Variants in NKAIN1 observed in about 807,000 individuals in gnomAD.
NKAIN1 encodes the protein sodium/potassium transporting ATPase interacting 1.
Under a neutral mutation model 31.6 loss-of-function variants are expected in NKAIN1, and 13 were observed. The observed-to-expected ratio is 0.41, with a 90% CI of 0.27 to 0.65. The LOEUF is 0.65. NKAIN1 is among the 30% of genes least tolerant of loss of function. NKAIN1 has a pLI of 0.30. For synonymous variants in NKAIN1, 104 were observed against 109.0 expected (o/e 0.95, Z 0.28); for missense variants, 193 against 262.2 (o/e 0.74, Z 1.82).
chr1:31,213,876 C>G lies in NKAIN1; in HGVS notation c.54+25618G>C, dbSNP rs181616513. Among the ~76,000 whole-genome samples, 129 of 152,018 alleles carry G rather than the reference C, an allele frequency of 8.5e-4. 4 individuals carry two copies. The highest frequency in any genetic ancestry group is 1.0e-4 in the Non-Finnish European group (7 of 67,974). On this transcript the variant is annotated intron_variant, in intron 1 of 6. Coordinates refer to ENST00000373736, the MANE Select transcript of NKAIN1 (RefSeq NM_024522.3). ...GGGTGTAGTGGTGCACACCTGTAGT[C>G]CCAGCTACTTGGGAGGCTGAGGCAT...
intron 5 of NKAIN1, 22 bp from the exon 6 acceptor site, chr1:31,181,963 T>C (rs759242092): frequency 9.4e-6 from 15 of 1,596,006 alleles, no homozygotes; most frequent in Non-Finnish European, 2.6e-6. Context: ...GGGCGGCGCA[T>C]GTTAGGGATC....
chr1:31,189,329 T>G (rs1645268620), intron 1 of NKAIN1, among the ~76,000 whole-genome samples: 2 of 152,222 alleles, frequency 1.3e-5, no homozygotes, highest in Non-Finnish European at 2.9e-5. Context: ...TTATTATCAT[T>G]ATTTTTAAAC....
intron 1 of NKAIN1, among the ~76,000 whole-genome samples, chr1:31,223,477 G>A (rs988810118): frequency 4.0e-5 from 6 of 151,806 alleles, no homozygotes; most frequent in African/African-American, 1.2e-4. Flanking sequence ...GTCTCGCTCT[G>A]TCGCCCAGGC....
chr1:31,199,914 C>T (rs946883), intron 1 of NKAIN1, among the ~76,000 whole-genome samples: 108,140 of 151,948 alleles, frequency 0.71, 39,780 homozygotes, highest in Middle Eastern at 0.9. Context: ...AGCTGATGAG[C>T]TGATGATGGG....
At chr1:31,218,929 C>T (rs112170361) in intron 1 of NKAIN1, among the ~76,000 whole-genome samples, 2,210 of 152,278 alleles carry the variant, frequency 0.015, 69 homozygotes, top group African/African-American at 0.05. Flanking sequence ...GACCAGCAGA[C>T]AGGCAGTGAC....
intron 1 of NKAIN1, among the ~76,000 whole-genome samples, chr1:31,191,911 G>A (rs920115135): frequency 2.7e-4 from 41 of 152,156 alleles, no homozygotes; most frequent in African/African-American, 9.4e-4. Context: ...TAGTAGCTGG[G>A]ACTACAGGCA....
chr1:31,232,424 T>TATATATATATATAGAG lies in NKAIN1; in HGVS notation c.54+7069_54+7070insCTCTATATATATATAT, dbSNP rs1313157898. ...ATATATATATATATATATATATATA[T>TATATATATATATAGAG]AGAGAGAGAGAGAGAGAGAGAGAGA... On this transcript the variant is annotated intron_variant, in intron 1 of 6. Coordinates refer to ENST00000373736, the MANE Select transcript of NKAIN1 (RefSeq NM_024522.3). Among the ~76,000 whole-genome samples, 19 of 16,916 alleles carry TATATATATATATAGAG rather than the reference T, an allele frequency of 1.1e-3. 1 individual carries two copies. Among genetic ancestry groups the TATATATATATATAGAG allele is most frequent in the Non-Finnish European group, 1.3e-3 (11 of 8,748 alleles). The allele number at this position is 16,916 out of a possible 152,430, so 11.1% of individuals were successfully genotyped here.
At chr1:31,183,689 C>A (rs1016056661) in intron 4 of NKAIN1, 128 bp downstream of exon 4, 1 of 946,642 alleles carries the variant, frequency 1.1e-6, no homozygotes, top group Non-Finnish European at 1.6e-6. Context: ...CTCAGGTGAT[C>A]CACCAGCCAT....
chr1:31,226,372 C>A (rs1329388637), intron 1 of NKAIN1, among the ~76,000 whole-genome samples: 1 of 151,856 alleles, frequency 6.6e-6, no homozygotes, highest in African/African-American at 2.4e-5. Context: ...TGGGGGTGAG[C>A]TGATAGAGGA....
chr1:31,206,254 A>AAATAATAAATAAATAAATAAATT (rs61401219), intron 1 of NKAIN1, among the ~76,000 whole-genome samples: 889 of 67,594 alleles, frequency 0.013, 8 homozygotes, highest in African/African-American at 0.029. Flanking sequence ...ATAAATAAAT[A>AAATAATAAATAAATAAATAAATT]AAATAAAAAT....
At chr1:31,184,580 T>G (rs1645228168) in intron 3 of NKAIN1, among the ~76,000 whole-genome samples, 1 of 152,130 alleles carries the variant, frequency 6.6e-6, no homozygotes, top group African/African-American at 2.4e-5. Context: ...GTCCACTTAC[T>G]AGATGAGGAA....
chr1:31,228,729 G>C (rs1004410855), intron 1 of NKAIN1, among the ~76,000 whole-genome samples: 1 of 152,098 alleles, frequency 6.6e-6, no homozygotes, highest in Non-Finnish European at 1.5e-5. Context: ...CAGTAGCTAG[G>C]ACCACAGGCT....
At chr1:31,182,014 G>T in intron 5 of NKAIN1, 73 bp from the exon 6 acceptor site, 1 of 1,440,764 alleles carries the variant, frequency 6.9e-7, no homozygotes. Flanking sequence ...TCCTGAAGGG[G>T]AAGAATCTGA....
intron 1 of NKAIN1, among the ~76,000 whole-genome samples, chr1:31,189,292 G>C (rs1645268322): frequency 6.6e-6 from 1 of 151,818 alleles, no homozygotes; most frequent in South Asian, 2.1e-4. Context: ...TAAATAAAAT[G>C]GTCGTTTATT....
rs1645233495 is a variant in NKAIN1 at position 31,185,234 on chromosome 1, G to A, written c.273+13C>T. ...AGGCTCTGCCCTATGGCACTGCCAG[G>A]TCTGAGGCTTACCTGGGACAGCTGT... On this transcript the variant is annotated intron_variant, in intron 3 of 6. Transcript: ENST00000373736. 6.2e-7 allele frequency: 1 copy of A among 1,602,042 alleles called. No homozygotes were observed.
chr1:31,184,548 A>G (rs1313541104), intron 3 of NKAIN1, among the ~76,000 whole-genome samples: 2 of 152,128 alleles, frequency 1.3e-5, no homozygotes, highest in South Asian at 2.1e-4. Context: ...CAGCAACCAC[A>G]TGAAGTTGCA....
intron 1 of NKAIN1, among the ~76,000 whole-genome samples, chr1:31,189,659 T>C (rs970925765): frequency 2.0e-5 from 3 of 152,184 alleles, no homozygotes; most frequent in Non-Finnish European, 2.9e-5. Context: ...TCTGTCCACA[T>C]GGCTTGAGTG....
At chr1:31,226,523 CTTTT>C (rs35709945) in intron 1 of NKAIN1, among the ~76,000 whole-genome samples, 8 of 132,132 alleles carry the variant, frequency 6.1e-5, no homozygotes, top group African/African-American at 5.9e-5. Context: ...TGAAGAAAAT[CTTTT>C]TTTTTTTTTT....
chr1:31,216,653 T>C (rs904478132), intron 1 of NKAIN1, among the ~76,000 whole-genome samples: 2 of 150,578 alleles, frequency 1.3e-5, no homozygotes, highest in Non-Finnish European at 3.0e-5. Flanking sequence ...CCATCATCAG[T>C]GGGGTTTGAT....
Sources: allele counts gnomAD v4.1 joint callset (sites outside exome capture counted in the v4.1 genomes callset), GRCh38; gene constraint gnomAD v4.1.1; transcripts MANE v1.5; gene names NCBI Gene and HGNC (gene_info 2026-07-23, HGNC 2026-07-21).